Variants in BAZ2B observed in about 807,000 individuals in gnomAD.
BAZ2B encodes the protein bromodomain adjacent to zinc finger domain protein 2B.
In BAZ2B, 91 loss-of-function variants were observed where a neutral mutation model predicts 246.0. That is an observed-to-expected ratio of 0.37 (90% CI 0.31 to 0.44). The LOEUF is 0.44. BAZ2B is among the 20% of genes least tolerant of loss of function. BAZ2B has a pLI of 1.00. For synonymous variants in BAZ2B, 855 were observed against 860.0 expected (o/e 0.99, Z 0.10); for missense variants, 2,332 against 2,533.7 (o/e 0.92, Z 1.71).
chr2:159,348,191 G>A (rs923259223), intron 30 of BAZ2B, among the ~76,000 whole-genome samples: 4 of 151,848 alleles, frequency 2.6e-5, no homozygotes, highest in African/African-American at 9.7e-5. Context: ...GTGGGGGCAT[G>A]TGCCTGTAGT....
the BAZ2B span, among the ~76,000 whole-genome samples, chr2:159,686,886 C>G: frequency 6.6e-6 from 1 of 151,590 alleles, no homozygotes; most frequent in Non-Finnish European, 1.5e-5. Flanking sequence ...ACTAAAAATA[C>G]AAAAAATTAG....
the BAZ2B span, among the ~76,000 whole-genome samples, chr2:159,702,431 CAATT>C: frequency 6.6e-6 from 1 of 151,950 alleles, no homozygotes; most frequent in South Asian, 2.1e-4. Context: ...TTCATCTGCC[CAATT>C]AATTTTTAAT....
chr2:159,362,641 T>A (rs1220876336), intron 27 of BAZ2B, among the ~76,000 whole-genome samples: 1 of 152,212 alleles, frequency 6.6e-6, no homozygotes, highest in Non-Finnish European at 1.5e-5. Flanking sequence ...ATGTCATGGC[T>A]TTCTGAAAGA....
chr2:159,599,935 C>CAAAAAAAAAAAA (rs11303439), intron 1 of BAZ2B, among the ~76,000 whole-genome samples: 5 of 101,554 alleles, frequency 4.9e-5, no homozygotes, highest in South Asian at 3.6e-4. Context: ...GACTCCTTCT[C>CAAAAAAAAAAAA]AAAAAAAAAA....
At chr2:159,498,363 G>A (rs988087737) in intron 2 of BAZ2B, among the ~76,000 whole-genome samples, 1 of 152,094 alleles carries the variant, frequency 6.6e-6, no homozygotes, top group African/African-American at 2.4e-5. Flanking sequence ...ATTCCAAGCC[G>A]ATTTAGTTCA....
At chr2:159,407,269 C>T (rs2066100029) in intron 14 of BAZ2B, among the ~76,000 whole-genome samples, 1 of 151,714 alleles carries the variant, frequency 6.6e-6, no homozygotes, top group African/African-American at 2.4e-5. Flanking sequence ...GTCAGGACTT[C>T]GAGACCAGCC....
At chr2:159,537,080 C>T (rs953791334) in intron 2 of BAZ2B, among the ~76,000 whole-genome samples, 1 of 152,014 alleles carries the variant, frequency 6.6e-6, no homozygotes, top group African/African-American at 2.4e-5. Context: ...AGCCTTAAAA[C>T]GAAAGGACAT....
chr2:159,367,124 C>T (rs73967840), intron 27 of BAZ2B, among the ~76,000 whole-genome samples: 2,313 of 152,240 alleles, frequency 0.015, 69 homozygotes, highest in African/African-American at 0.053. Flanking sequence ...AGTGTTGTTC[C>T]TAGGCCCAGA....
the BAZ2B span, among the ~76,000 whole-genome samples, chr2:159,642,073 A>G: frequency 2.0e-5 from 3 of 152,042 alleles, no homozygotes; most frequent in Non-Finnish European, 4.4e-5. Flanking sequence ...TTCTATTAAG[A>G]TCAAGCTTAC....
chr2:159,528,430 C>A (rs980021840), intron 2 of BAZ2B, among the ~76,000 whole-genome samples: 14 of 152,144 alleles, frequency 9.2e-5, no homozygotes, highest in Non-Finnish European at 1.5e-5. Flanking sequence ...TGCCTATAAT[C>A]CCAGCACTTT....
chr2:159,394,082 C>A (rs1294565963), intron 20 of BAZ2B, among the ~76,000 whole-genome samples: 1 of 151,920 alleles, frequency 6.6e-6, no homozygotes, highest in East Asian at 1.9e-4. Flanking sequence ...TTCCTCCCTG[C>A]CAAGAAAAAC....
rs994642552 is a variant in BAZ2B at position 159,543,224 on chromosome 2, T to C, written c.-3+12599A>G. ...TATTTCCTTGAATTTCCCATATTTCTGTGAAACAAACACTGACTATTGAGG... is the reference window on the plus strand; with the variant it reads ...TATTTCCTTGAATTTCCCATATTTCCGTGAAACAAACACTGACTATTGAGG... On this transcript the variant is annotated intron_variant, in intron 2 of 36. Coordinates refer to ENST00000392783, the MANE Select transcript of BAZ2B (RefSeq NM_013450.4). Among the ~76,000 whole-genome samples, 4 of 152,228 alleles carry C rather than the reference T, an allele frequency of 2.6e-5. No homozygotes were observed. In the East Asian group the frequency reaches 5.8e-4, roughly 22 times the overall value.
chr2:159,477,431 T>C (rs1218263329), intron 3 of BAZ2B, among the ~76,000 whole-genome samples: 6 of 152,064 alleles, frequency 3.9e-5, no homozygotes, highest in Non-Finnish European at 8.8e-5. Flanking sequence ...AGAAAATGGT[T>C]TGATCATAAT....
chr2:159,653,190 T>C, the BAZ2B span, among the ~76,000 whole-genome samples: 1 of 152,178 alleles, frequency 6.6e-6, no homozygotes, highest in African/African-American at 2.4e-5. Flanking sequence ...TCCACCCGCC[T>C]TGGCCTCCCA....
chr2:159,390,882 A>G lies in BAZ2B; in HGVS notation c.3076-1397T>C, dbSNP rs75843722. Among the ~76,000 whole-genome samples the G allele has an allele frequency of 3.5e-3, 535 of 152,316 alleles. 2 individuals carry two copies. Among genetic ancestry groups the G allele is most frequent in the African/African-American group, 0.012 (506 of 41,580 alleles). ...GGGAGGACAAACTATAAGGAAGCTT[A>G]TAAGATTGTTGACACCAGCAAAGTT... On this transcript the variant is annotated intron_variant, in intron 20 of 36. Coordinates refer to ENST00000392783, the MANE Select transcript of BAZ2B (RefSeq NM_013450.4).
the BAZ2B span, among the ~76,000 whole-genome samples, chr2:159,658,182 G>A: frequency 6.6e-6 from 1 of 152,098 alleles, no homozygotes; most frequent in Non-Finnish European, 1.5e-5. Context: ...TCTATTGATA[G>A]GATCATATGA....
the BAZ2B span, chr2:159,690,413 A>G: frequency 2.0e-4 from 33 of 165,222 alleles, no homozygotes; most frequent in Non-Finnish European, 4.0e-4. Flanking sequence ...TAGCTTTTAC[A>G]TACTTCTGGT....
chr2:159,421,913 T>C (rs1461130599), intron 13 of BAZ2B, among the ~76,000 whole-genome samples: 1 of 152,088 alleles, frequency 6.6e-6, no homozygotes, highest in Non-Finnish European at 1.5e-5. Flanking sequence ...AAAATCAATA[T>C]ACAAAAATCA....
intron 21 of BAZ2B, 54 bp from the exon 22 acceptor site, chr2:159,386,661 C>T (rs2062689284): frequency 6.8e-7 from 1 of 1,478,934 alleles, no homozygotes; most frequent in Admixed American, 2.4e-5. Flanking sequence ...TTTTTAAAAG[C>T]CATGATTTCG....
Sources: allele counts gnomAD v4.1 joint callset (sites outside exome capture counted in the v4.1 genomes callset), GRCh38; gene constraint gnomAD v4.1.1; transcripts MANE v1.5; gene names NCBI Gene and HGNC (gene_info 2026-07-23, HGNC 2026-07-21).